Variants in NEURL4 observed in about 807,000 individuals in gnomAD.
The protein encoded by NEURL4 is neuralized E3 ubiquitin protein ligase 4.
A neutral mutation model predicts 148.0 loss-of-function variants in NEURL4; 45 were observed. The ratio of observed to expected loss-of-function variants is 0.30; its 90% CI spans 0.24 to 0.39. The LOEUF is 0.39. NEURL4 is among the 10% of genes least tolerant of loss of function. The probability of loss-of-function intolerance (pLI) is 1.00; values close to 1 mark genes in which losing one functional copy is unlikely to be tolerated. For missense variants in NEURL4, 1,776 were observed against 2,144.0 expected, an observed-to-expected ratio of 0.83 and a Z score of 3.39; for synonymous variants, 854 against 869.0, an observed-to-expected ratio of 0.98 and a Z score of 0.30.
In NEURL4 at chr17:7,324,573, TC is replaced by T; in HGVS notation, c.1814-94del. On this transcript the variant is annotated intron_variant, in intron 9 of 28. Transcript: ENST00000399464. This position sits in a 1 kb window ranked among gnomAD's most constrained non-coding sequence, Gnocchi z 5.9. The stretch of plus-strand genomic sequence containing the variant: ...GCCCACAGGACTCCCGAGCCCACAG[TC>T]CACCTTGCCTTTTCTTTGATGACTA... 8.0e-7 allele frequency: 1 copy of T among 1,249,360 alleles called. No homozygotes were observed. The highest frequency in any genetic ancestry group is 1.2e-6 in the Non-Finnish European group (1 of 862,886). 77.4% of individuals were successfully genotyped at this position (1,249,360 alleles called of 1,614,324 possible).
chr17:7,323,576 A>AG lies in NEURL4; in HGVS notation c.2339-14dup, dbSNP rs2073059488. Reference sequence around the variant, plus strand: ...ATAGCAGTCACTCCTGGGAGGAGGCAGGGGTAAGTCAAGGCCGATCCCCAA... The same window carrying AG: ...ATAGCAGTCACTCCTGGGAGGAGGCAGGGGGTAAGTCAAGGCCGATCCCCAA... On this transcript the variant is annotated splice_polypyrimidine_tract_variant and intron_variant, in intron 13 of 28. Coordinates refer to ENST00000399464, the MANE Select transcript of NEURL4 (RefSeq NM_032442.3). 6.2e-7 allele frequency: 1 copy of AG among 1,614,076 alleles called. No individual in the cohort carries two copies. The highest frequency in any genetic ancestry group is 2.2e-5 in the East Asian group (1 of 44,902).
rs2073095357 is a variant in NEURL4, at chr17:7,325,673, G to A, written c.1334C>T (p.Ala445Val). The change falls in exon 7 of 29, where the codon GCC (alanine) becomes GTC (valine). Residue 445 changes from alanine (A) to valine (V), a missense_variant. Transcript: ENST00000399464. ...HIGLTRKSNS[A>V]LHFFINGIDQ... ...GATACCATTAATGAAGAAGTGTAGGGCAGAGTTGGACTTCCTTGTGAGGCC... is the reference window on the plus strand; with the variant it reads ...GATACCATTAATGAAGAAGTGTAGGACAGAGTTGGACTTCCTTGTGAGGCC... The A allele has an allele frequency of 6.2e-7, 1 of 1,613,676 alleles. No individual in the cohort carries two copies. The highest frequency in any genetic ancestry group is 8.5e-7 in the Non-Finnish European group (1 of 1,179,952).
rs753154428 is a variant in NEURL4, at chr17:7,326,364, G to A, written c.1205-21C>T. 5.6e-6 allele frequency: 9 copies of A among 1,613,992 alleles called. No individual in the cohort carries two copies. Among genetic ancestry groups the A allele is most frequent in the African/African-American group, 2.7e-5 (2 of 74,916 alleles). On this transcript the variant is annotated intron_variant, in intron 5 of 28. Transcript: ENST00000399464. This position sits in a 1 kb window ranked among gnomAD's most constrained non-coding sequence, Gnocchi z 6.0. ...GGTGCCTGGGTGATAGTGGACACTT[G>A]GGTTCGGGTACGGGGCTTCCTTCCC...
Position 7,316,137 on chromosome 17 carries a change from C to T in NEURL4, c.4675G>A (p.Val1559Ile). 3 of 1,546,530 alleles carry T rather than the reference C, an allele frequency of 1.9e-6. No homozygotes were observed. Among genetic ancestry groups the T allele is most frequent in the East Asian group, 2.2e-5 (1 of 44,588 alleles). Residue 1559 changes from valine (V) to isoleucine (I), a missense_variant, in exon 29 of 29, where the codon GTA becomes ATA. By Grantham distance (29) the Val-to-Ile change is conservative (BLOSUM62 3). Coordinates refer to ENST00000399464, the MANE Select transcript of NEURL4 (RefSeq NM_032442.3). ...TGTCTCACCCCTCATTCCACCCGTA[C>T]CAGCAGGGCACAGAGGAGTGTGGCC... is the stretch of plus-strand genomic sequence containing the variant. The part of the protein sequence containing the change: ...KGATLLCALL[V>I]RVE
rs2073108721 is a variant in NEURL4, at chr17:7,326,813, G to C, written c.990C>G (p.Leu330=). 1 of 1,612,978 alleles carries C rather than the reference G, an allele frequency of 6.2e-7. No individual in the cohort carries two copies. The highest frequency in any genetic ancestry group is 8.5e-7 in the Non-Finnish European group (1 of 1,179,704). The part of the protein sequence containing the change: ...FHEKCGTLIK[L]SNNNKTAERR... ...GCTCAGCCGTCTTATTATTGTTGCT[G>C]AGTTTGATGAGGGTCCCGCACTTTT... is the stretch of plus-strand genomic sequence containing the variant. Residue 330 remains leucine, a synonymous_variant, in exon 4 of 29, where the codon CTC becomes CTG. Coordinates refer to ENST00000399464, the MANE Select transcript of NEURL4 (RefSeq NM_032442.3). The surrounding 1 kb of genome is among the most constrained non-coding windows in gnomAD (Gnocchi z 6.0).
chr17:7,322,900 G>A lies in NEURL4; in HGVS notation c.2594-34C>T. 6.2e-7 allele frequency: 1 copy of A among 1,611,010 alleles called. No homozygotes were observed. The highest frequency in any genetic ancestry group is 8.5e-7 in the Non-Finnish European group (1 of 1,177,388). On this transcript the variant is annotated intron_variant, in intron 15 of 28. Transcript: ENST00000399464. The surrounding 1 kb of genome is among the most constrained non-coding windows in gnomAD (Gnocchi z 5.5). ...GAGAGGGAAGGTCAGAAGCCTGACAGCCAGGTGGTCTGGGCTGAGGGTGGC... is the reference window on the plus strand; with the variant it reads ...GAGAGGGAAGGTCAGAAGCCTGACAACCAGGTGGTCTGGGCTGAGGGTGGC...
rs1215116346 is a variant in NEURL4 at position 7,324,931 on chromosome 17, G to A, written c.1681C>T (p.Arg561Trp). 13 of 1,614,012 alleles carry A rather than the reference G, an allele frequency of 8.1e-6. No individual in the cohort carries two copies. The highest frequency in any genetic ancestry group is 1.7e-5 in the Admixed American group (1 of 59,994). Residue 561 changes from arginine to tryptophan, a missense_variant, in exon 9 of 29, where the codon CGG (arginine) becomes TGG (tryptophan). Physicochemically the swap from Arg to Trp is moderately radical, Grantham distance 101. Coordinates refer to ENST00000399464, the MANE Select transcript of NEURL4 (RefSeq NM_032442.3). The surrounding 1 kb of genome is among the most constrained non-coding windows in gnomAD (Gnocchi z 5.9). ...HGVVLSSRAL[R>W]DGEVFQVRID... is the part of the protein sequence containing the mutation. ...CGCACCTGGAACACCTCTCCATCCC[G>A]CAGGGCTCTGCTGCTCAGCACCACG...
chr17:7,320,697 G>T, intron 21 of NEURL4, 62 bp downstream of exon 21: 2 of 1,493,882 alleles, frequency 1.3e-6, no homozygotes, highest in African/African-American at 1.4e-5. Context: ...CCTTTTTTCA[G>T]GGGGGTTGGC....
In NEURL4 at chr17:7,329,269, G is replaced by T; in HGVS notation, c.44C>A (p.Pro15His). ...SGGSGGSGGG[P>H]GPGPGGGGGP... ...CCCACCCCCGCCCGGCCCCGGTCCA[G>T]GGCCTCCCCCAGAGCCCCCACTCCC... Residue 15 changes from proline to histidine, a missense_variant, in exon 1 of 29, where the codon CCT becomes CAT. Physicochemically the swap from Pro to His is moderately conservative, Grantham distance 77. Coordinates refer to ENST00000399464, the MANE Select transcript of NEURL4 (RefSeq NM_032442.3). The T allele has an allele frequency of 8.9e-7, 1 of 1,125,178 alleles. No individual in the cohort carries two copies. Among genetic ancestry groups the T allele is most frequent in the Non-Finnish European group, 1.2e-6 (1 of 835,120 alleles). 69.7% of individuals were successfully genotyped at this position (1,125,178 alleles called of 1,614,324 possible).
In NEURL4 at chr17:7,323,811, G is replaced by C. The variant is rs777680424; in HGVS notation, c.2261+3C>G. 3 of 1,614,134 alleles carry C rather than the reference G, an allele frequency of 1.9e-6. No homozygotes were observed. The South Asian group carries it at 3.3e-5, about 18-fold the overall frequency. The stretch of plus-strand genomic sequence containing the variant: ...GTGGGGACATGAAAGTTGAGAGACT[G>C]ACCGGTTGGAGATGACGATGGCGTC... On this transcript the variant is annotated splice_donor_region_variant and intron_variant, in intron 12 of 28. Coordinates refer to ENST00000399464, the MANE Select transcript of NEURL4 (RefSeq NM_032442.3).
chr17:7,325,144 T>TGGGGGGGGGGGGGGGGGGGCGGGGGGGG, intron 8 of NEURL4, 65 bp downstream of exon 8: 1 of 956,488 alleles, frequency 1.0e-6, no homozygotes, highest in South Asian at 1.5e-5. Context: ...TCCACTTCCT[T>TGGGGGGGGGGGGGGGGGGGCGGGGGGGG]GCCCCGCCCC....
Position 7,321,209 on chromosome 17 carries a change from C to T in NEURL4, c.3263G>A (p.Arg1088Lys). 2 of 1,614,034 alleles carry T rather than the reference C, an allele frequency of 1.2e-6. No individual in the cohort carries two copies. Among genetic ancestry groups the T allele is most frequent in the Non-Finnish European group, 1.7e-6 (2 of 1,180,016 alleles). Residue 1088 changes from arginine (R) to lysine (K), a missense_variant, in exon 20 of 29, where the codon AGA (arginine) becomes AAA (lysine). Transcript: ENST00000399464. The surrounding 1 kb of genome is among the most constrained non-coding windows in gnomAD (Gnocchi z 6.3). ...VRGVSIVSST[R>K]LEESEGTQPP... ...CTGGGTGCCTTCTGACTCCTCCAGT[C>T]TCGTGGAACTGACAATTGACACACC... is the stretch of plus-strand genomic sequence containing the variant.
rs759094297 is a variant in NEURL4, at chr17:7,325,623, TC to T, written c.1366+17del. Reference sequence around the variant, plus strand: ...ACCGAAAGCCCCGGCCCAGAGGCTCTCTCTGGGCGGCCCTTACCCTGATCGA... The same window carrying T: ...ACCGAAAGCCCCGGCCCAGAGGCTCTTCTGGGCGGCCCTTACCCTGATCGA... On this transcript the variant is annotated intron_variant, in intron 7 of 28. Coordinates refer to ENST00000399464, the MANE Select transcript of NEURL4 (RefSeq NM_032442.3). 6.2e-7 allele frequency: 1 copy of T among 1,610,580 alleles called. No homozygotes were observed. The highest frequency in any genetic ancestry group is 8.5e-7 in the Non-Finnish European group (1 of 1,177,156).
chr17:7,326,614 G>A lies in NEURL4; in HGVS notation c.1093-66C>T. The A allele has an allele frequency of 2.5e-6, 4 of 1,605,708 alleles. No individual in the cohort carries two copies. Among genetic ancestry groups the A allele is most frequent in the Middle Eastern group, 1.7e-4 (1 of 6,022 alleles). On this transcript the variant is annotated intron_variant, in intron 4 of 28. Transcript: ENST00000399464. This position sits in a 1 kb window ranked among gnomAD's most constrained non-coding sequence, Gnocchi z 6.0. ...TGCAGAAAGGGACCTTCAGCCCTTG[G>A]TTCTTCCCCAGGGCCCACCCTCCTA...
intron 20 of NEURL4, 76 bp from the exon 21 acceptor site, chr17:7,320,999 A>G: frequency 1.3e-6 from 2 of 1,596,946 alleles, no homozygotes; most frequent in Non-Finnish European, 8.6e-7. Flanking sequence ...GTTTGCACAG[A>G]TCCTGAGTGT....
intron 14 of NEURL4, 144 bp from the exon 15 acceptor site, chr17:7,323,267 C>A: frequency 1.0e-6 from 1 of 984,160 alleles, no homozygotes; most frequent in Non-Finnish European, 1.5e-6. Context: ...TCTCCTCTGT[C>A]CCTGGGATCC....
At position 7,318,627 on chromosome 17, in the gene NEURL4, G is replaced by A. The variant is rs1196454795; in HGVS notation, c.3732C>T (p.Thr1244=). Reference sequence around the variant, plus strand: ...AGCTGTCCAGCCGCAGTCCCAGGATGGTGCCTTCAGGGCACGTGTCCAGAT... The same window carrying A: ...AGCTGTCCAGCCGCAGTCCCAGGATAGTGCCTTCAGGGCACGTGTCCAGAT... ...GPNLDTCPEG[T]ILGLRLDSSG... is the part of the protein sequence containing the mutation. Residue 1244 remains threonine (T), a synonymous_variant, in exon 23 of 29, where the codon ACC becomes ACT. Transcript: ENST00000399464. This position sits in a 1 kb window ranked among gnomAD's most constrained non-coding sequence, Gnocchi z 4.3. 1 of 1,613,842 alleles carries A rather than the reference G, an allele frequency of 6.2e-7. No homozygotes were observed. Among genetic ancestry groups the A allele is most frequent in the Non-Finnish European group, 8.5e-7 (1 of 1,179,860 alleles).
chr17:7,324,446 G>A lies in NEURL4; in HGVS notation c.1848C>T (p.His616=), dbSNP rs774562935. The change falls in exon 10 of 29, where the codon CAC becomes CAT. Residue 616 remains histidine, a synonymous_variant. Transcript: ENST00000399464. The surrounding 1 kb of genome is among the most constrained non-coding windows in gnomAD (Gnocchi z 5.9). ...TWMMTGNGVM[H]NGTTILDEYG... Reference sequence around the variant, plus strand: ...ATTCATCCAGGATGGTCGTCCCATTGTGCATCACCCCATTCCCAGTCATCA... The same window carrying A: ...ATTCATCCAGGATGGTCGTCCCATTATGCATCACCCCATTCCCAGTCATCA... 3 of 1,614,098 alleles carry A rather than the reference G, an allele frequency of 1.9e-6. No homozygotes were observed. In the African/African-American group the frequency reaches 4.0e-5, roughly 22 times the overall value.
rs999007580 is a variant in NEURL4 at position 7,329,277 on chromosome 17, C to T, written c.36G>A (p.Gly12=). The T allele has an allele frequency of 7.6e-6, 11 of 1,445,312 alleles. No homozygotes were observed. The African/African-American group carries it at 1.5e-4, about 20-fold the overall frequency. The allele number at this position is 1,445,312 out of a possible 1,614,324, so 89.5% of individuals were successfully genotyped here. ...CGCCCGGCCCCGGTCCAGGGCCTCC[C>T]CCAGAGCCCCCACTCCCACCCGACC... ...AAGSGGSGGS[G]GGPGPGPGGG... Residue 12 remains glycine (G), a synonymous_variant, in exon 1 of 29, where the codon GGG becomes GGA. Coordinates refer to ENST00000399464, the MANE Select transcript of NEURL4 (RefSeq NM_032442.3).
Sources: allele counts gnomAD v4.1 joint callset, GRCh38; gene constraint gnomAD v4.1.1; non-coding constraint Gnocchi (gnomAD v3.1); transcripts MANE v1.5; gene names NCBI Gene and HGNC (gene_info 2026-07-23, HGNC 2026-07-21).